The following RNF170 variants were observed in gnomAD, a reference collection of about 807,000 sequenced individuals.
RNF170 encodes ring finger protein 170, also known as E3 ubiquitin-protein ligase RNF170.
In RNF170, 12 loss-of-function variants were observed where a neutral mutation model predicts 32.7. That is an observed-to-expected ratio of 0.37 (90% CI 0.24 to 0.60). The LOEUF (loss-of-function observed/expected upper bound fraction) is 0.60. RNF170 is among the 20% of genes least tolerant of loss of function. The probability of loss-of-function intolerance (pLI) is 0.72; values close to 1 mark genes in which losing one functional copy is unlikely to be tolerated. For missense variants in RNF170, 212 were observed against 311.2 expected (o/e 0.68, Z 2.40); for synonymous variants, 91 against 103.6 (o/e 0.88, Z 0.74).
Position 42,855,293 on chromosome 8 carries a change from A to G in RNF170, c.*866T>C, listed in dbSNP as rs1344130632. ...TGCCCAGGCTGGAGTGCAGTGGCGC[A>G]ATCCACCTCCTGGGTTTACGCCATT... On this transcript the variant is annotated 3_prime_UTR_variant, in exon 7 of 7. Transcript: ENST00000527424. 2 of 1,114,014 alleles carry G rather than the reference A, an allele frequency of 1.8e-6. No individual in the cohort carries two copies. The highest frequency in any genetic ancestry group is 3.3e-5 in the African/African-American group (2 of 60,394). The allele number at this position is 1,114,014 out of a possible 1,614,324, so 69.0% of individuals were successfully genotyped here.
At chr8:42,850,384 C>G, downstream of RNF170, 1 of 235,528 alleles carries the variant, frequency 4.2e-6, no homozygotes, top group East Asian at 1.0e-4. Context: ...GCCTGGGAGA[C>G]TGCCTGGAAG....
At chr8:42,852,622 G>A (rs1043021389), downstream of RNF170, among the ~76,000 whole-genome samples, 10 of 151,948 alleles carry the variant, frequency 6.6e-5, no homozygotes, top group African/African-American at 1.2e-4. Context: ...TCACTATGTT[G>A]GCCAGGCTGG....
Position 42,861,659 on chromosome 8 carries a change from A to G in RNF170, c.507+86T>C, listed in dbSNP as rs779657332. ...TGCCTGGCCAAGATTTCTCATAGTC[A>G]AAGAATACTTGTTGGTAAACCTCAC... On this transcript the variant is annotated intron_variant, in intron 6 of 6. Coordinates refer to ENST00000527424, the MANE Select transcript of RNF170 (RefSeq NM_030954.4). The G allele has an allele frequency of 4.4e-6, 5 of 1,127,670 alleles. No individual in the cohort carries two copies. The African/African-American group carries it at 6.1e-5, about 14-fold the overall frequency. 69.9% of individuals were successfully genotyped at this position (1,127,670 alleles called of 1,614,324 possible). A position where few individuals can be genotyped will look rare whatever the true frequency, so the allele number is the denominator to read the frequency against.
chr8:42,872,106 G>C (rs1804564731), intron 3 of RNF170, among the ~76,000 whole-genome samples: 1 of 152,216 alleles, frequency 6.6e-6, no homozygotes, highest in Non-Finnish European at 1.5e-5. Context: ...GCACAGAACA[G>C]ACTACATCGC....
chr8:42,894,726 G>A (rs1350145820), intron 1 of RNF170, among the ~76,000 whole-genome samples: 3 of 152,042 alleles, frequency 2.0e-5, no homozygotes, highest in East Asian at 3.9e-4. Context: ...CACCACGCCC[G>A]GCTAATTTTT....
intron 1 of RNF170, among the ~76,000 whole-genome samples, chr8:42,891,216 C>T (rs193066580): frequency 2.0e-5 from 3 of 152,262 alleles, no homozygotes; most frequent in East Asian, 3.9e-4. Context: ...AAAATTCAAA[C>T]GTTTTTAGAA....
At chr8:42,850,843 C>T (rs367897020), downstream of RNF170, 138 of 1,551,448 alleles carry the variant, frequency 8.9e-5, no homozygotes, top group Non-Finnish European at 1.1e-4. Flanking sequence ...GAAGCATAAA[C>T]GTGGTGAGGC....
At chr8:42,859,980 T>C (rs947257467) in intron 6 of RNF170, among the ~76,000 whole-genome samples, 31 of 152,152 alleles carry the variant, frequency 2.0e-4, no homozygotes, top group Admixed American at 8.5e-4. Flanking sequence ...GTAAAAATAA[T>C]AGGACACCCC....
upstream of RNF170, chr8:42,896,772 G>GGCA: frequency 6.8e-6 from 1 of 146,806 alleles, no homozygotes; most frequent in African/African-American, 2.5e-5. Flanking sequence ...CGGCGGCGGC[G>GGCA]GCGGCGCGGC....
At chr8:42,890,262 T>C (rs1806185776) in intron 1 of RNF170, among the ~76,000 whole-genome samples, 1 of 147,378 alleles carries the variant, frequency 6.8e-6, no homozygotes, top group Non-Finnish European at 1.5e-5. Context: ...ATTATATTCT[T>C]TTTTTTTTTT....
chr8:42,867,783 AAAAAAAAAAAAAAAAAG>A (rs1288426977), intron 4 of RNF170, among the ~76,000 whole-genome samples: 1 of 149,764 alleles, frequency 6.7e-6, no homozygotes, highest in African/African-American at 2.4e-5. Flanking sequence ...CTCAAAAAAA[AAAAAAAAAAAAAAAAAG>A]AAAAAGAAAT....
At chr8:42,895,907 T>C (rs1363062416) in intron 1 of RNF170, among the ~76,000 whole-genome samples, 4 of 152,166 alleles carry the variant, frequency 2.6e-5, no homozygotes, top group African/African-American at 7.2e-5. Context: ...GAGAAACTCC[T>C]GGGGTGCCGG....
At chr8:42,867,955 A>G (rs986925526) in intron 4 of RNF170, among the ~76,000 whole-genome samples, 2 of 152,150 alleles carry the variant, frequency 1.3e-5, no homozygotes, top group Non-Finnish European at 2.9e-5. Flanking sequence ...CAGCAAGGGC[A>G]AATGTCGGAA....
chr8:42,889,855 A>T (rs1308914075), intron 1 of RNF170, among the ~76,000 whole-genome samples: 1 of 152,198 alleles, frequency 6.6e-6, no homozygotes, highest in Non-Finnish European at 1.5e-5. Context: ...TTTTTATTTC[A>T]TCAGGTTTCC....
At chr8:42,896,748 AGCGGCGGCG>A (rs570533730), upstream of RNF170, 849 of 145,744 alleles carry the variant, frequency 5.8e-3, 5 homozygotes, top group African/African-American at 0.017. Flanking sequence ...GCCCGGCGGC[AGCGGCGGCG>A]GCGGCGGCGG....
rs1363088677 is a variant in RNF170, at chr8:42,853,752, T to C, written c.*2407A>G. 1.6e-6 allele frequency: 2 copies of C among 1,287,194 alleles called. No homozygotes were observed. Among genetic ancestry groups the C allele is most frequent in the Non-Finnish European group, 2.0e-6 (2 of 988,662 alleles). 79.7% of individuals were successfully genotyped at this position (1,287,194 alleles called of 1,614,324 possible). The stretch of plus-strand genomic sequence containing the variant: ...TCCCTTCTGCATTTATCATCAGAGA[T>C]CGGTAAAGATGACAACAAGCAGGTC... On this transcript the variant is annotated 3_prime_UTR_variant, in exon 7 of 7. Transcript: ENST00000527424.
intron 1 of RNF170, chr8:42,896,237 G>A (rs1454839349): frequency 6.2e-6 from 2 of 322,498 alleles, no homozygotes; most frequent in Admixed American, 4.4e-5. Flanking sequence ...CGGTGTCCTC[G>A]CCGCCGCCAA....
At chr8:42,863,880 G>T (rs569502654) in intron 5 of RNF170, among the ~76,000 whole-genome samples, 7 of 152,138 alleles carry the variant, frequency 4.6e-5, no homozygotes, top group Non-Finnish European at 1.0e-4. Flanking sequence ...AGCAAGAATG[G>T]TAAGAAAATG....
intron 6 of RNF170, among the ~76,000 whole-genome samples, chr8:42,858,154 A>ATGTAAAAAAAAAAT (rs1368872929): frequency 6.6e-6 from 1 of 152,218 alleles, no homozygotes; most frequent in African/African-American, 2.4e-5. Context: ...ACCGGAGGAT[A>ATGTAAAAAAAAAAT]TGTAAAAAAA....
Sources: allele counts gnomAD v4.1 joint callset (sites outside exome capture counted in the v4.1 genomes callset), GRCh38; gene constraint gnomAD v4.1.1; transcripts MANE v1.5; gene names NCBI Gene and HGNC (gene_info 2026-07-23, HGNC 2026-07-21).